The following TSHR variants were observed in gnomAD, a reference collection of about 807,000 sequenced individuals.
TSHR encodes the protein thyrotropin receptor.
TSHR carries 51 observed loss-of-function variants against 64.1 expected under a neutral mutation model. The observed-to-expected ratio is 0.80, with a 90% CI of 0.64 to 1.01. The LOEUF (loss-of-function observed/expected upper bound fraction) is 1.01. Among genes scored for constraint, TSHR ranks in the 50% least tolerant of loss-of-function variants. The pLI, the probability that TSHR is intolerant of heterozygous loss-of-function variation, is 0.00. For synonymous variants in TSHR, 361 were observed against 361.9 expected, an observed-to-expected ratio of 1.00 and a Z score of 0.03; for missense variants, 877 against 942.8, an observed-to-expected ratio of 0.93 and a Z score of 0.91.
intron 2 of TSHR, among the ~76,000 whole-genome samples, chr14:81,067,798 G>A (rs1400297749): frequency 2.0e-5 from 3 of 148,894 alleles, no homozygotes; most frequent in Non-Finnish European, 3.0e-5. Flanking sequence ...GCAAGCATCA[G>A]AAAAGAACAC....
intron 1 of TSHR, among the ~76,000 whole-genome samples, chr14:81,047,663 T>G (rs1885231342): frequency 1.0e-5 from 1 of 98,072 alleles, no homozygotes; most frequent in African/African-American, 2.8e-5. Context: ...GTTCATTGGC[T>G]CTTTTTTTTT....
intron 1 of TSHR, among the ~76,000 whole-genome samples, chr14:81,023,799 C>T (rs375845517): frequency 2.6e-4 from 40 of 152,116 alleles, no homozygotes; most frequent in Admixed American, 1.4e-3. Flanking sequence ...TATCATAAAC[C>T]GAACTGCATT....
At chr14:81,042,535 A>C (rs1456165085) in intron 1 of TSHR, among the ~76,000 whole-genome samples, 1 of 152,210 alleles carries the variant, frequency 6.6e-6, no homozygotes, top group Non-Finnish European at 1.5e-5. Context: ...TAAGACAGAA[A>C]GAGAAAAACA....
At chr14:81,016,418 T>A (rs994408496) in intron 1 of TSHR, among the ~76,000 whole-genome samples, 1 of 152,234 alleles carries the variant, frequency 6.6e-6, no homozygotes, top group Non-Finnish European at 1.5e-5. Context: ...TGTATTTCTG[T>A]ATGTCTTCTT....
chr14:81,007,102 T>C (rs987190593), intron 1 of TSHR, among the ~76,000 whole-genome samples: 1 of 152,182 alleles, frequency 6.6e-6, no homozygotes, highest in African/African-American at 2.4e-5. Flanking sequence ...AAAATTCACG[T>C]TGAAGTTCTA....
At chr14:81,054,999 C>G (rs946089850) in intron 1 of TSHR, among the ~76,000 whole-genome samples, 2 of 152,140 alleles carry the variant, frequency 1.3e-5, no homozygotes, top group African/African-American at 4.8e-5. Flanking sequence ...TGTCAGACAA[C>G]TTTGTGGCAG....
chr14:81,050,040 G>A (rs1027952672), intron 1 of TSHR: 1 of 152,122 alleles, frequency 6.6e-6, no homozygotes, highest in Non-Finnish European at 1.5e-5. Context: ...GCACTATAAT[G>A]CTCCCTAAGA....
chr14:81,119,266 T>C (rs1163373101), intron 8 of TSHR, among the ~76,000 whole-genome samples: 1,519 of 131,892 alleles, frequency 0.012, no homozygotes, highest in East Asian at 0.056. Flanking sequence ...AGAAAATTTT[T>C]GCAACCCACT....
intron 8 of TSHR, among the ~76,000 whole-genome samples, chr14:81,133,201 C>T (rs915503862): frequency 6.6e-6 from 1 of 152,186 alleles, no homozygotes; most frequent in Non-Finnish European, 1.5e-5. Flanking sequence ...CTCCTGAGAT[C>T]CCCTTAAAAA....
chr14:80,955,959 T>G lies in TSHR; in HGVS notation c.170+109T>G, dbSNP rs1296144086. ...ATAACAGCCCGAAGTAGTGTGTGAG[T>G]GTGTGTATGTGTGAGTGAATGTCTG... is the stretch of plus-strand genomic sequence containing the variant. On this transcript the variant is annotated intron_variant, in intron 1 of 9. Transcript: ENST00000298171. The G allele has an allele frequency of 7.8e-5, 102 of 1,299,978 alleles. No homozygotes were observed. In the South Asian group the frequency reaches 9.8e-4, roughly 12 times the overall value. The allele number at this position is 1,299,978 out of a possible 1,614,324, so 80.5% of individuals were successfully genotyped here. A position where few individuals can be genotyped will look rare whatever the true frequency, so the allele number is the denominator to read the frequency against.
intron 8 of TSHR, among the ~76,000 whole-genome samples, chr14:81,118,638 G>A (rs920704615): frequency 2.6e-5 from 4 of 152,072 alleles, no homozygotes; most frequent in African/African-American, 9.7e-5. Context: ...TCCCCATCAA[G>A]CTACCAATGA....
rs191434848 is a variant in TSHR, at chr14:81,086,221, A to T, written c.318-1733A>T. On this transcript the variant is annotated intron_variant, in intron 3 of 9. Coordinates refer to ENST00000298171, the MANE Select transcript of TSHR (RefSeq NM_000369.5). Reference sequence around the variant, plus strand: ...AACAATAAAGCAATTTGCCTGGGCAAGAGTCTCCTGGAATTGTAGTTATGT... The same window carrying T: ...AACAATAAAGCAATTTGCCTGGGCATGAGTCTCCTGGAATTGTAGTTATGT... Among the ~76,000 whole-genome samples the T allele has an allele frequency of 2.5e-3, 387 of 152,336 alleles. 7 individuals are homozygous for T. The Middle Eastern group carries it at 0.027, about 11-fold the overall frequency.
rs566608270 is a variant in TSHR at position 81,103,390 on chromosome 14, C to T, written c.615-4985C>T. 4 of 985,422 alleles carry T rather than the reference C, an allele frequency of 4.1e-6. No homozygotes were observed. The African/African-American group carries it at 7.0e-5, about 17-fold the overall frequency. 61.0% of individuals were successfully genotyped at this position (985,422 alleles called of 1,614,324 possible). A position where few individuals can be genotyped will look rare whatever the true frequency, so the allele number is the denominator to read the frequency against. On this transcript the variant is annotated intron_variant, in intron 7 of 9. Transcript: ENST00000298171. The surrounding 1 kb of genome is among the most constrained non-coding windows in gnomAD (Gnocchi z 4.1). The stretch of plus-strand genomic sequence containing the variant: ...TTAGGTTCTCATTTAAACAATGTGT[C>T]ATCCAAAAGAGCAATCATCCCCTAT...
At chr14:81,128,522 G>A (rs1038556747) in intron 8 of TSHR, among the ~76,000 whole-genome samples, 4 of 152,086 alleles carry the variant, frequency 2.6e-5, no homozygotes, top group Admixed American at 2.6e-4. Context: ...AGCCTCCAGT[G>A]GTGCTTTACC....
chr14:80,962,022 T>A (rs1242851997), intron 1 of TSHR, among the ~76,000 whole-genome samples: 4 of 151,964 alleles, frequency 2.6e-5, no homozygotes, highest in Admixed American at 2.0e-4. Context: ...AACTCTGGAG[T>A]GAGATCCTCC....
At position 81,144,177 on chromosome 14, in the gene TSHR, CG is replaced by C. The variant is rs774326964; in HGVS notation, c.2124del (p.Gln709ArgfsTer20). On this transcript the variant is annotated frameshift_variant, in exon 10 of 10. Transcript: ENST00000298171. LOFTEE classifies it high-confidence loss of function. Reference protein sequence around the residue: ...GICKRQAQAYRGQRVPPKNST... With the variant: ...GICKRQAQAYXGQRVPPKNST... ...CTGTAAACGCCAGGCTCAGGCATAC[CG>C]GGGGCAGAGGGTTCCTCCAAAGAAC... The C allele has an allele frequency of 8.7e-6, 14 of 1,613,928 alleles. No homozygotes were observed. Among genetic ancestry groups the C allele is most frequent in the Admixed American group, 1.7e-5 (1 of 60,012 alleles).
chr14:80,980,862 C>T (rs180720840), intron 1 of TSHR, among the ~76,000 whole-genome samples: 2 of 152,102 alleles, frequency 1.3e-5, no homozygotes, highest in Non-Finnish European at 2.9e-5. Context: ...ATTTCCAGGC[C>T]ACTATTCTTC....
chr14:81,024,313 A>G (rs763421435), intron 1 of TSHR, among the ~76,000 whole-genome samples: 13 of 152,062 alleles, frequency 8.5e-5, no homozygotes, highest in Middle Eastern at 3.2e-3. Context: ...CAGTGGCGCA[A>G]TCTCGGCTCA....
At chr14:81,073,652 CA>C (rs1415682394) in intron 3 of TSHR, among the ~76,000 whole-genome samples, 1 of 152,014 alleles carries the variant, frequency 6.6e-6, no homozygotes, top group Non-Finnish European at 1.5e-5. Flanking sequence ...TATGACATAT[CA>C]AAACCTGTGG....
Sources: allele counts gnomAD v4.1 joint callset (sites outside exome capture counted in the v4.1 genomes callset), GRCh38; gene constraint gnomAD v4.1.1; non-coding constraint Gnocchi (gnomAD v3.1); transcripts MANE v1.5; gene names NCBI Gene and HGNC (gene_info 2026-07-23, HGNC 2026-07-21).